Variants in NTM observed in about 807,000 individuals in gnomAD.
NTM encodes the protein IgLON family member 2.
A neutral mutation model predicts 42.1 loss-of-function variants in NTM; 13 were observed. The observed-to-expected ratio is 0.31, with a 90% CI of 0.20 to 0.49. The LOEUF (loss-of-function observed/expected upper bound fraction) is 0.49, where lower values mean the gene tolerates loss of function less well. Among genes scored for constraint, NTM ranks in the 20% least tolerant of loss-of-function variants. The probability of loss-of-function intolerance (pLI) is 0.99; values close to 1 mark genes in which losing one functional copy is unlikely to be tolerated. For synonymous variants in NTM, 187 were observed against 179.2 expected (o/e 1.04, Z -0.35); for missense variants, 373 against 452.8 (o/e 0.82, Z 1.60).
At chr11:132,311,607 A>G (rs2095282999) in intron 6 of NTM, among the ~76,000 whole-genome samples, 1 of 152,202 alleles carries the variant, frequency 6.6e-6, no homozygotes, top group African/African-American at 2.4e-5. Flanking sequence ...TTGTACTAAG[A>G]AGTAAACTGA....
Position 132,069,331 on chromosome 11 carries a change from G to A in NTM, c.168-76951G>A, listed in dbSNP as rs35175608. On this transcript the variant is annotated intron_variant, in intron 2 of 8. Coordinates refer to ENST00000683400, the MANE Select transcript of NTM (RefSeq NM_001352005.2). Reference sequence around the variant, plus strand: ...CTGACCATCACAGGTTAGTTAACACGTCACACAGCCAAGTTAACACGTCAC... The same window carrying A: ...CTGACCATCACAGGTTAGTTAACACATCACACAGCCAAGTTAACACGTCAC... Among the ~76,000 whole-genome samples, 978 of 129,636 alleles carry A rather than the reference G, an allele frequency of 7.5e-3. 3 individuals carry two copies. Among genetic ancestry groups the A allele is most frequent in the South Asian group, 0.017 (62 of 3,558 alleles). 85.0% of individuals were successfully genotyped at this position (129,636 alleles called of 152,430 possible).
intron 1 of NTM, among the ~76,000 whole-genome samples, chr11:131,492,427 C>T (rs73572314): frequency 0.048 from 7,341 of 152,130 alleles, 572 homozygotes; most frequent in African/African-American, 0.17. Context: ...TTATGTATAA[C>T]GCTAACACAG....
rs75690680 is a variant in NTM at position 132,186,478 on chromosome 11, C to T, written c.401-25544C>T. 2.7e-3 allele frequency among the ~76,000 whole-genome samples: 406 copies of T among 152,346 alleles called. 1 individual carries two copies. The highest frequency in any genetic ancestry group is 9.0e-3 in the African/African-American group (376 of 41,576). On this transcript the variant is annotated intron_variant, in intron 3 of 8. Coordinates refer to ENST00000683400, the MANE Select transcript of NTM (RefSeq NM_001352005.2). The stretch of plus-strand genomic sequence containing the variant: ...CTGGTATCCCAGCTCCCCGAGGAAC[C>T]TGCAGGCCACTTGAAATTCATGATG...
chr11:131,457,905 AG>A (rs931220589), intron 1 of NTM, among the ~76,000 whole-genome samples: 5 of 152,172 alleles, frequency 3.3e-5, no homozygotes, highest in Admixed American at 3.3e-4. Context: ...GCAACCCAGA[AG>A]AGAGCCCTCA....
chr11:131,789,897 A>G (rs992443550), intron 1 of NTM, among the ~76,000 whole-genome samples: 5 of 135,028 alleles, frequency 3.7e-5, no homozygotes, highest in Admixed American at 8.1e-5. Flanking sequence ...CGGAGCTTGC[A>G]GTGAGCCGAG....
At chr11:131,461,217 A>G (rs1248150143) in intron 1 of NTM, among the ~76,000 whole-genome samples, 1 of 152,196 alleles carries the variant, frequency 6.6e-6, no homozygotes, top group Non-Finnish European at 1.5e-5. Flanking sequence ...TTCTGACAAT[A>G]AGACTTGGGT....
At chr11:131,702,556 G>A (rs1484627779) in intron 1 of NTM, among the ~76,000 whole-genome samples, 2 of 152,194 alleles carry the variant, frequency 1.3e-5, no homozygotes, top group African/African-American at 4.8e-5. Context: ...CCCAGAGCAT[G>A]GAGAGGTGCA....
intron 4 of NTM, among the ~76,000 whole-genome samples, chr11:132,269,221 CT>C: frequency 1.3e-5 from 2 of 152,310 alleles, no homozygotes; most frequent in East Asian, 3.9e-4. Flanking sequence ...CTACCGTCTG[CT>C]TCGTATGCAT....
chr11:132,283,658 C>T (rs2094102520), intron 4 of NTM, among the ~76,000 whole-genome samples: 1 of 152,234 alleles, frequency 6.6e-6, no homozygotes. Context: ...GCATCCAGTT[C>T]TCTCTGCAGT....
rs1387279256 is a variant in NTM at position 132,003,635 on chromosome 11, T to C, written c.167+91987T>C. On this transcript the variant is annotated intron_variant, in intron 2 of 8. Coordinates refer to ENST00000683400, the MANE Select transcript of NTM (RefSeq NM_001352005.2). This position sits in a 1 kb window ranked among gnomAD's most constrained non-coding sequence, Gnocchi z 6.0. ...TGAGAATGTGCTTTCAGCTCAGCTC[T>C]GTTGTTCACTCAAGAAGAAAAGGCT... Among the ~76,000 whole-genome samples, 3 of 152,172 alleles carry C rather than the reference T, an allele frequency of 2.0e-5. No individual in the cohort carries two copies. The East Asian group carries it at 5.8e-4, about 29-fold the overall frequency.
chr11:131,553,148 G>A (rs1216104442), intron 1 of NTM, among the ~76,000 whole-genome samples: 1 of 152,084 alleles, frequency 6.6e-6, no homozygotes, highest in Non-Finnish European at 1.5e-5. Context: ...TGTAAGGAAG[G>A]GGAATGTTTG....
intron 4 of NTM, among the ~76,000 whole-genome samples, chr11:132,280,311 T>C (rs975848514): frequency 2.6e-5 from 4 of 152,008 alleles, no homozygotes; most frequent in African/African-American, 4.8e-5. Flanking sequence ...CCACCCGAAA[T>C]AGTAATGTAA....
chr11:131,920,511 A>G (rs917057279), intron 2 of NTM, among the ~76,000 whole-genome samples: 2 of 152,246 alleles, frequency 1.3e-5, no homozygotes, highest in Non-Finnish European at 2.9e-5. Context: ...ACCCAATGTC[A>G]AAGGGCTTAA....
chr11:132,187,135 A>G (rs1469309449), intron 3 of NTM, among the ~76,000 whole-genome samples: 2 of 152,060 alleles, frequency 1.3e-5, no homozygotes, highest in Admixed American at 1.3e-4. Context: ...TCCTTGGGGA[A>G]ATATGCTACT....
Position 131,980,475 on chromosome 11 carries a change from T to G in NTM, c.167+68827T>G, listed in dbSNP as rs531189897. ...AATTTAATGATCTCTACTGATCTCT[T>G]AAATTCCCCAAATTATTTCATTATG... On this transcript the variant is annotated intron_variant, in intron 2 of 8. Transcript: ENST00000683400. Among the ~76,000 whole-genome samples the G allele has an allele frequency of 3.3e-5, 5 of 152,370 alleles. No homozygotes were observed. In the East Asian group the frequency reaches 9.6e-4, roughly 29 times the overall value.
At chr11:131,531,022 C>T (rs138193178) in intron 1 of NTM, among the ~76,000 whole-genome samples, 3 of 152,324 alleles carry the variant, frequency 2.0e-5, no homozygotes, top group East Asian at 1.9e-4. Flanking sequence ...CCACGAGCAA[C>T]GGCTTCTCTG....
chr11:132,092,646 G>A (rs905064397), intron 2 of NTM, among the ~76,000 whole-genome samples: 2 of 152,094 alleles, frequency 1.3e-5, no homozygotes, highest in Admixed American at 1.3e-4. Flanking sequence ...CTCCCTCATC[G>A]ATGGCTCCAG....
intron 4 of NTM, 51 bp downstream of exon 4, chr11:132,212,198 T>C: frequency 1.3e-6 from 2 of 1,549,230 alleles, no homozygotes; most frequent in Non-Finnish European, 1.8e-6. Context: ...GGGGGAATTT[T>C]GGGCCTTTGG....
chr11:132,161,308 C>A (rs996214644), intron 3 of NTM, among the ~76,000 whole-genome samples: 1 of 148,054 alleles, frequency 6.8e-6, no homozygotes, highest in Non-Finnish European at 1.5e-5. Flanking sequence ...ATAGACAGTT[C>A]TCTTCTTTGC....
Sources: allele counts gnomAD v4.1 joint callset (sites outside exome capture counted in the v4.1 genomes callset), GRCh38; gene constraint gnomAD v4.1.1; non-coding constraint Gnocchi (gnomAD v3.1); transcripts MANE v1.5; gene names NCBI Gene and HGNC (gene_info 2026-07-23, HGNC 2026-07-21).